Variants in PCNX2 observed in about 807,000 individuals in gnomAD.
The protein encoded by PCNX2 is pecanex 2.
PCNX2 carries 168 observed loss-of-function variants against 223.8 expected under a neutral mutation model. The ratio of observed to expected loss-of-function variants is 0.75; its 90% CI spans 0.66 to 0.85. PCNX2 has a LOEUF of 0.85. Among genes scored for constraint, PCNX2 ranks in the 40% least tolerant of loss-of-function variants. PCNX2 has a pLI of 0.00. For synonymous variants in PCNX2, 1,006 were observed against 1,052.6 expected, an observed-to-expected ratio of 0.96 and a Z score of 0.86; for missense variants, 2,507 against 2,675.5, an observed-to-expected ratio of 0.94 and a Z score of 1.39.
chr1:233,081,993 T>TG, intron 23 of PCNX2, among the ~76,000 whole-genome samples: 1 of 134,960 alleles, frequency 7.4e-6, no homozygotes, highest in African/African-American at 3.4e-5. Flanking sequence ...TCTGTGTGTG[T>TG]TTGTGTGTGT....
chr1:233,289,971 A>T (rs1558430225), intron 1 of PCNX2, among the ~76,000 whole-genome samples: 1 of 152,132 alleles, frequency 6.6e-6, no homozygotes, highest in Non-Finnish European at 1.5e-5. Flanking sequence ...CATAATTTAC[A>T]CTAAGTCATC....
chr1:233,287,429 T>C (rs747655573), intron 1 of PCNX2, among the ~76,000 whole-genome samples: 3 of 152,138 alleles, frequency 2.0e-5, no homozygotes, highest in East Asian at 1.9e-4. Context: ...TGGGAGGTAA[T>C]TGAGCCATGA....
Position 233,259,824 on chromosome 1 carries a change from T to A in PCNX2, c.518-480A>T, listed in dbSNP as rs1057404361. 126 of 892,994 alleles carry A rather than the reference T, an allele frequency of 1.4e-4. 1 individual carries two copies. Among genetic ancestry groups the A allele is most frequent in the Non-Finnish European group, 3.5e-5 (26 of 746,176 alleles). 55.3% of individuals were successfully genotyped at this position (892,994 alleles called of 1,614,324 possible). A position where few individuals can be genotyped will look rare whatever the true frequency, so the allele number is the denominator to read the frequency against. On this transcript the variant is annotated intron_variant, in intron 4 of 33. Transcript: ENST00000258229. ...TATTTACGGCTGCATTGATACTTAT[T>A]TTTTAAAATAACACTCCCACTGTGA...
intron 12 of PCNX2, among the ~76,000 whole-genome samples, chr1:233,217,030 C>A (rs61823927): frequency 0.22 from 32,713 of 151,782 alleles, 4,247 homozygotes; most frequent in African/African-American, 0.36. Flanking sequence ...ATAGAAAAAG[C>A]GAATAGAATG....
intron 1 of PCNX2, among the ~76,000 whole-genome samples, chr1:233,265,876 C>A (rs1660304386): frequency 6.6e-6 from 1 of 151,978 alleles, no homozygotes; most frequent in Non-Finnish European, 1.5e-5. Context: ...ACTGGCATGC[C>A]CCAATATTCA....
intron 17 of PCNX2, 92 bp downstream of exon 17, chr1:233,177,710 C>A: frequency 3.6e-6 from 4 of 1,105,786 alleles, no homozygotes; most frequent in East Asian, 4.9e-5. Flanking sequence ...TAGTCCTTCT[C>A]ATGTCCACCT....
chr1:233,197,761 A>G (rs1276227789), intron 15 of PCNX2, among the ~76,000 whole-genome samples: 4 of 152,212 alleles, frequency 2.6e-5, no homozygotes, highest in African/African-American at 9.6e-5. Flanking sequence ...AGGGAAATAA[A>G]CAATTATCTT....
intron 22 of PCNX2, among the ~76,000 whole-genome samples, chr1:233,091,731 T>C: frequency 2.1e-5 from 1 of 47,346 alleles, no homozygotes; most frequent in East Asian, 7.8e-4. Context: ...AGACCCTCCC[T>C]CAAAAAAAAA....
At chr1:233,163,442 C>T (rs1571999087) in intron 17 of PCNX2, among the ~76,000 whole-genome samples, 1 of 152,068 alleles carries the variant, frequency 6.6e-6, no homozygotes, top group East Asian at 1.9e-4. Flanking sequence ...GCCGAGATCA[C>T]ACCACTGCAC....
At chr1:233,008,740 G>A (rs1558159199) in intron 28 of PCNX2, among the ~76,000 whole-genome samples, 2 of 152,206 alleles carry the variant, frequency 1.3e-5, no homozygotes, top group South Asian at 2.1e-4. Flanking sequence ...TATCGGAAAA[G>A]CACTGGGCTG....
At position 233,036,262 on chromosome 1, in the gene PCNX2, C is replaced by G. The variant is rs902793387; in HGVS notation, c.4352-10863G>C. Among the ~76,000 whole-genome samples, 13 of 152,136 alleles carry G rather than the reference C, an allele frequency of 8.5e-5. 1 individual carries two copies. Among genetic ancestry groups the G allele is most frequent in the Non-Finnish European group, 1.9e-4 (13 of 68,028 alleles). On this transcript the variant is annotated intron_variant, in intron 25 of 33. Transcript: ENST00000258229. ...CATTCAGGTCATCTATTCCCAGCCA[C>G]CTGCTCTTAGAGGACATCTCTGTAT... is the stretch of plus-strand genomic sequence containing the variant.
In PCNX2 at chr1:233,148,602, A is replaced by G. The variant is rs540056276; in HGVS notation, c.3518-8747T>C. On this transcript the variant is annotated intron_variant, in intron 19 of 33. Coordinates refer to ENST00000258229, the MANE Select transcript of PCNX2 (RefSeq NM_014801.4). Reference sequence around the variant, plus strand: ...TTTTTAGGAGAGATGGTGTTTCACCATATTGGCCAGGCTGGCCTTGAGCTC... The same window carrying G: ...TTTTTAGGAGAGATGGTGTTTCACCGTATTGGCCAGGCTGGCCTTGAGCTC... Among the ~76,000 whole-genome samples, 11 of 152,140 alleles carry G rather than the reference A, an allele frequency of 7.2e-5. No individual in the cohort carries two copies. In the South Asian group the frequency reaches 1.2e-3, roughly 17 times the overall value.
At chr1:233,043,065 A>G (rs910863125) in intron 25 of PCNX2, among the ~76,000 whole-genome samples, 8 of 152,154 alleles carry the variant, frequency 5.3e-5, no homozygotes, top group African/African-American at 1.9e-4. Context: ...ACTCCCTCCA[A>G]CGCCTTCTGC....
At chr1:233,020,654 CT>C (rs1670846525) in intron 26 of PCNX2, among the ~76,000 whole-genome samples, 1 of 152,240 alleles carries the variant, frequency 6.6e-6, no homozygotes, top group African/African-American at 2.4e-5. Context: ...AGCGTGTCTC[CT>C]TTCTAAAAGA....
intron 1 of PCNX2, among the ~76,000 whole-genome samples, chr1:233,285,933 T>C (rs1407946113): frequency 1.3e-5 from 2 of 152,228 alleles, no homozygotes; most frequent in African/African-American, 4.8e-5. Context: ...AGATGTTCCA[T>C]CAAGAGGGAC....
At chr1:232,997,232 A>G (rs146140944) in intron 32 of PCNX2, among the ~76,000 whole-genome samples, 1 of 152,284 alleles carries the variant, frequency 6.6e-6, no homozygotes, top group East Asian at 1.9e-4. Flanking sequence ...AACCTTGGCA[A>G]AATAAACCTC....
intron 28 of PCNX2, among the ~76,000 whole-genome samples, chr1:233,009,078 CTA>C (rs1670378127): frequency 6.6e-6 from 1 of 152,168 alleles, no homozygotes; most frequent in Non-Finnish European, 1.5e-5. Context: ...GGGCATGACT[CTA>C]TGGTGAGACT....
the PCNX2 span, among the ~76,000 whole-genome samples, chr1:233,320,860 T>C: frequency 6.6e-6 from 1 of 152,186 alleles, no homozygotes; most frequent in Non-Finnish European, 1.5e-5. Context: ...TTGTAAGTAT[T>C]TGAAAAGTTG....
chr1:233,020,626 T>G (rs1194161261), intron 26 of PCNX2, among the ~76,000 whole-genome samples: 1 of 152,230 alleles, frequency 6.6e-6, no homozygotes, highest in East Asian at 1.9e-4. Flanking sequence ...CGCGCCTCAT[T>G]CTGCAAGGCC....
Sources: gnomAD v4.1 joint callset for allele counts (sites outside exome capture counted in the v4.1 genomes callset) on GRCh38, gnomAD v4.1.1 for gene constraint, MANE v1.5 for transcripts, NCBI Gene and HGNC (gene_info 2026-07-23, HGNC 2026-07-21) for gene names.